The following CCDC7 variants were observed in gnomAD, a reference collection of about 807,000 sequenced individuals.
CCDC7 encodes coiled-coil domain containing 7.
A neutral mutation model predicts 196.9 loss-of-function variants in CCDC7; 183 were observed. The observed-to-expected ratio is 0.93, with a 90% CI of 0.82 to 1.05. The LOEUF is 1.05. CCDC7 is among the 50% of genes least tolerant of loss of function. The pLI is 0.00. For synonymous variants in CCDC7, 525 were observed against 484.6 expected (o/e 1.08, Z -1.10); for missense variants, 1,540 against 1,482.2 (o/e 1.04, Z -0.64).
At chr10:32,469,136 A>C (rs1010286587) in intron 5 of CCDC7, among the ~76,000 whole-genome samples, 7 of 152,210 alleles carry the variant, frequency 4.6e-5, no homozygotes, top group Non-Finnish European at 1.0e-4. Flanking sequence ...GTTAAAATTT[A>C]ATCTGTATTG....
intron 21 of CCDC7, among the ~76,000 whole-genome samples, chr10:32,667,975 A>T (rs1332391252): frequency 6.6e-6 from 1 of 151,876 alleles, no homozygotes; most frequent in African/African-American, 2.4e-5. Context: ...GGCCATTTTC[A>T]CGATATTGAT....
At chr10:32,626,978 G>T (rs117840799) in intron 18 of CCDC7, among the ~76,000 whole-genome samples, 5,532 of 150,900 alleles carry the variant, frequency 0.037, 107 homozygotes, top group Non-Finnish European at 0.05. Flanking sequence ...TTGAAATCAG[G>T]TAACGAGATG....
chr10:32,722,809 T>G (rs893688124), intron 25 of CCDC7, among the ~76,000 whole-genome samples: 1 of 152,086 alleles, frequency 6.6e-6, no homozygotes, highest in Non-Finnish European at 1.5e-5. Context: ...CATCATAGTG[T>G]TAGGGATTAT....
intron 29 of CCDC7, among the ~76,000 whole-genome samples, chr10:32,783,571 G>A (rs4553276): frequency 0.089 from 13,499 of 152,224 alleles, 855 homozygotes; most frequent in East Asian, 0.33. Context: ...ATGTAAAACT[G>A]TCACTGCTGT....
chr10:32,724,702 A>T (rs1309825755), intron 25 of CCDC7, among the ~76,000 whole-genome samples: 7 of 152,276 alleles, frequency 4.6e-5, no homozygotes, highest in African/African-American at 1.4e-4. Flanking sequence ...CTCCCCAGCA[A>T]GGTCATCTAA....
chr10:32,829,059 C>A (rs2091815854), intron 32 of CCDC7, among the ~76,000 whole-genome samples: 1 of 152,092 alleles, frequency 6.6e-6, no homozygotes, highest in African/African-American at 2.4e-5. Flanking sequence ...GGGTGATTGA[C>A]CCGGACTATC....
intron 28 of CCDC7, among the ~76,000 whole-genome samples, chr10:32,733,653 T>C (rs2084363081): frequency 6.6e-6 from 1 of 152,164 alleles, no homozygotes; most frequent in Non-Finnish European, 1.5e-5. Flanking sequence ...ACTTTTTTCA[T>C]TGAGGTTTTT....
At chr10:32,725,968 C>A (rs999824243) in intron 25 of CCDC7, among the ~76,000 whole-genome samples, 2 of 152,084 alleles carry the variant, frequency 1.3e-5, no homozygotes, top group South Asian at 2.1e-4. Flanking sequence ...CAAAAGATAT[C>A]CTTAGAAGAA....
At position 32,637,943 on chromosome 10, in the gene CCDC7, C is replaced by T. The variant is rs527318064; in HGVS notation, c.2014+2785C>T. Reference sequence around the variant, plus strand: ...TGTAGTTCTCCTTGAAGAGGTCCTTCACATCCCTTGTAAGTTGTATTCCTA... The same window carrying T: ...TGTAGTTCTCCTTGAAGAGGTCCTTTACATCCCTTGTAAGTTGTATTCCTA... On this transcript the variant is annotated intron_variant, in intron 20 of 41. Coordinates refer to ENST00000639629, the Ensembl canonical transcript of CCDC7. Among the ~76,000 whole-genome samples, 8 of 152,286 alleles carry T rather than the reference C, an allele frequency of 5.3e-5. No homozygotes were observed. In the South Asian group the frequency reaches 1.7e-3, roughly 32 times the overall value.
At chr10:32,757,605 G>T (rs924685242) in intron 28 of CCDC7, among the ~76,000 whole-genome samples, 1 of 152,250 alleles carries the variant, frequency 6.6e-6, no homozygotes, top group Non-Finnish European at 1.5e-5. Context: ...TTAAGGCAGT[G>T]TGTAGAGGGA....
chr10:32,807,387 G>A (rs894480392), intron 30 of CCDC7, among the ~76,000 whole-genome samples: 1 of 151,936 alleles, frequency 6.6e-6, no homozygotes, highest in East Asian at 1.9e-4. Context: ...ATGATGTATT[G>A]AAGTTAAAAA....
chr10:32,501,782 A>T (rs551650248), intron 9 of CCDC7, among the ~76,000 whole-genome samples: 1 of 152,238 alleles, frequency 6.6e-6, no homozygotes, highest in South Asian at 2.1e-4. Context: ...ATCGGCCCCT[A>T]CTGGGAGGTA....
intron 41 of CCDC7, among the ~76,000 whole-genome samples, chr10:32,856,566 CA>C (rs1157813621): frequency 5.9e-5 from 9 of 152,148 alleles, no homozygotes; most frequent in African/African-American, 2.2e-4. Context: ...GCACACCCCC[CA>C]GGGCCAAAGC....
chr10:32,868,309 T>C (rs1373012634), intron 41 of CCDC7, among the ~76,000 whole-genome samples: 1 of 152,004 alleles, frequency 6.6e-6, no homozygotes, highest in Non-Finnish European at 1.5e-5. Context: ...GGTAATTCTA[T>C]TGTTAATTTT....
rs73258116 is a variant in CCDC7, at chr10:32,836,819, A to G, written c.3352+1921A>G. Among the ~76,000 whole-genome samples the G allele has an allele frequency of 6.5e-3, 988 of 152,228 alleles. 12 individuals are homozygous for G. The highest frequency in any genetic ancestry group is 0.023 in the African/African-American group (952 of 41,542). ...TGGCAAAGACTACAAAGCAGTTATT[A>G]TAAATAGGTTCAGATATTTAACAAA... On this transcript the variant is annotated intron_variant, in intron 33 of 41. Coordinates refer to ENST00000639629, the Ensembl canonical transcript of CCDC7.
At chr10:32,732,606 A>G (rs2084175482) in intron 28 of CCDC7, among the ~76,000 whole-genome samples, 2 of 152,088 alleles carry the variant, frequency 1.3e-5, no homozygotes, top group Admixed American at 6.6e-5. Context: ...ATATACATAC[A>G]CATTTTAAAT....
chr10:32,454,847 T>C lies in CCDC7; in HGVS notation c.373-1404T>C, dbSNP rs371330982. Reference sequence around the variant, plus strand: ...CCTCCTGTCTTTCCCACTCAGTCTGTCCAATATTCTGTCTCCAAAAATCCT... The same window carrying C: ...CCTCCTGTCTTTCCCACTCAGTCTGCCCAATATTCTGTCTCCAAAAATCCT... On this transcript the variant is annotated intron_variant, in intron 2 of 41. Transcript: ENST00000639629. Among the ~76,000 whole-genome samples the C allele has an allele frequency of 3.5e-4, 54 of 152,308 alleles. No individual in the cohort carries two copies. The Middle Eastern group carries it at 0.014, about 38-fold the overall frequency.
At chr10:32,591,193 C>G (rs182050525) in intron 18 of CCDC7, among the ~76,000 whole-genome samples, 13 of 151,866 alleles carry the variant, frequency 8.6e-5, no homozygotes, top group African/African-American at 3.1e-4. Flanking sequence ...TAAATTTTCC[C>G]TAATTTATAG....
At chr10:32,772,862 G>T (rs566713449) in intron 28 of CCDC7, among the ~76,000 whole-genome samples, 2 of 152,272 alleles carry the variant, frequency 1.3e-5, no homozygotes, top group African/African-American at 4.8e-5. Context: ...ACATTCTGGG[G>T]ACTGGGAGCC....
Sources: gnomAD v4.1 joint callset for allele counts (sites outside exome capture counted in the v4.1 genomes callset) on GRCh38, gnomAD v4.1.1 for gene constraint, MANE v1.5 for transcripts, NCBI Gene and HGNC (gene_info 2026-07-23, HGNC 2026-07-21) for gene names.